The following SCFD2 variants were observed in gnomAD, a reference collection of about 807,000 sequenced individuals.
The protein encoded by SCFD2 is sec1 family domain-containing protein 2.
A neutral mutation model predicts 58.9 loss-of-function variants in SCFD2; 54 were observed. That is an observed-to-expected ratio of 0.92 (90% CI 0.74 to 1.15). The LOEUF is 1.15. SCFD2 is among the 50% of genes most tolerant of loss of function. The pLI, the probability that SCFD2 is intolerant of heterozygous loss-of-function variation, is 0.00. For missense variants in SCFD2, 805 were observed against 836.6 expected (o/e 0.96, Z 0.47); for synonymous variants, 321 against 335.9 (o/e 0.96, Z 0.49).
At chr4:53,300,701 A>G (rs575319640) in intron 3 of SCFD2, among the ~76,000 whole-genome samples, 1 of 152,244 alleles carries the variant, frequency 6.6e-6, no homozygotes, top group African/African-American at 2.4e-5. Flanking sequence ...ATTTGGAAGT[A>G]AAGCACTCCT....
chr4:53,275,909 GTTTATTTAGCCA>G (rs1731312281), intron 3 of SCFD2, among the ~76,000 whole-genome samples: 1 of 152,012 alleles, frequency 6.6e-6, no homozygotes, highest in Admixed American at 6.6e-5. Context: ...ATGTATCATA[GTTTATTTAGCCA>G]TTTATTTATC....
At chr4:53,330,580 G>C (rs2149131254) in intron 2 of SCFD2, among the ~76,000 whole-genome samples, 1 of 151,896 alleles carries the variant, frequency 6.6e-6, no homozygotes, top group East Asian at 1.9e-4. Context: ...TGCTTTACAA[G>C]AGCTCCTGAA....
At chr4:53,294,878 C>T (rs1447914942) in intron 3 of SCFD2, among the ~76,000 whole-genome samples, 4 of 152,184 alleles carry the variant, frequency 2.6e-5, no homozygotes, top group African/African-American at 4.8e-5. Flanking sequence ...TTTCCCAACA[C>T]CATTTATTAA....
At chr4:53,155,311 C>T (rs1241998049) in intron 4 of SCFD2, among the ~76,000 whole-genome samples, 1 of 152,166 alleles carries the variant, frequency 6.6e-6, no homozygotes, top group Non-Finnish European at 1.5e-5. Context: ...AAGGGATCTA[C>T]CCTCATGGGT....
At chr4:52,955,825 G>A (rs775833226) in intron 5 of SCFD2, 17 of 339,412 alleles carry the variant, frequency 5.0e-5, no homozygotes, top group Non-Finnish European at 8.1e-5. Context: ...ACAGTGGTCA[G>A]TAATAATGAT....
chr4:53,179,105 A>G (rs970813111), intron 4 of SCFD2, among the ~76,000 whole-genome samples: 2 of 152,224 alleles, frequency 1.3e-5, no homozygotes, highest in Non-Finnish European at 2.9e-5. Context: ...AACTTCCCCA[A>G]TCTAGCAAGG....
At chr4:53,331,817 T>C (rs1007311086) in intron 2 of SCFD2, among the ~76,000 whole-genome samples, 7 of 151,588 alleles carry the variant, frequency 4.6e-5, no homozygotes, top group Non-Finnish European at 8.8e-5. Flanking sequence ...AGCTGGTTTT[T>C]TGAAAAGATC....
chr4:52,885,729 G>A lies in SCFD2; in HGVS notation c.1962+18C>T, dbSNP rs778479158. 2.5e-6 allele frequency: 4 copies of A among 1,613,260 alleles called. No individual in the cohort carries two copies. Among genetic ancestry groups the A allele is most frequent in the Non-Finnish European group, 2.5e-6 (3 of 1,179,462 alleles). On this transcript the variant is annotated intron_variant, in intron 8 of 8. Transcript: ENST00000401642. ...CCCTACTTCTGAGCTCTTGTTCAAA[G>A]CATGGAGGACTCAGTACCTGGGTTC... is the stretch of plus-strand genomic sequence containing the variant.
chr4:53,341,222 A>T (rs530471683), intron 2 of SCFD2, among the ~76,000 whole-genome samples: 4 of 152,290 alleles, frequency 2.6e-5, no homozygotes, highest in African/African-American at 9.6e-5. Flanking sequence ...AAGATTAGAC[A>T]AATGGCTAAC....
At chr4:53,187,000 G>A (rs1437838823) in intron 4 of SCFD2, among the ~76,000 whole-genome samples, 1 of 151,744 alleles carries the variant, frequency 6.6e-6, no homozygotes, top group East Asian at 1.9e-4. Context: ...AGAGTTGACT[G>A]TAAAAAGAAA....
intron 5 of SCFD2, among the ~76,000 whole-genome samples, chr4:53,135,221 C>A (rs1725900598): frequency 6.6e-6 from 1 of 152,108 alleles, no homozygotes; most frequent in Non-Finnish European, 1.5e-5. Flanking sequence ...CAAAAGCATT[C>A]CTCTGTAATC....
chr4:52,927,771 TG>T (rs978492559), intron 5 of SCFD2, among the ~76,000 whole-genome samples: 1 of 152,204 alleles, frequency 6.6e-6, no homozygotes, highest in African/African-American at 2.4e-5. Flanking sequence ...GAACTGTGAT[TG>T]GTCAGGGTTT....
intron 4 of SCFD2, among the ~76,000 whole-genome samples, chr4:53,250,433 G>C (rs1449968048): frequency 1.3e-5 from 2 of 152,242 alleles, no homozygotes; most frequent in East Asian, 3.9e-4. Flanking sequence ...ATTGAACTCA[G>C]CTCTGCACCA....
intron 5 of SCFD2, among the ~76,000 whole-genome samples, chr4:52,953,934 C>A (rs1267990312): frequency 6.6e-6 from 1 of 152,164 alleles, no homozygotes; most frequent in African/African-American, 2.4e-5. Flanking sequence ...CCATGGACTC[C>A]TGGGCCAGGC....
chr4:53,212,674 T>A (rs13146499), intron 4 of SCFD2, among the ~76,000 whole-genome samples: 68,321 of 150,906 alleles, frequency 0.45, 16,490 homozygotes, highest in Admixed American at 0.53. Context: ...TTAATATTCA[T>A]TAAGGTACAA....
chr4:53,293,578 TC>T (rs1213584556), intron 3 of SCFD2, among the ~76,000 whole-genome samples: 1 of 152,196 alleles, frequency 6.6e-6, no homozygotes, highest in African/African-American at 2.4e-5. Flanking sequence ...AAGTTCAACA[TC>T]CTTTCTTCAT....
chr4:53,052,397 T>C (rs1322012052), intron 5 of SCFD2, among the ~76,000 whole-genome samples: 1 of 152,216 alleles, frequency 6.6e-6, no homozygotes, highest in East Asian at 1.9e-4. Context: ...GATTGCTCGT[T>C]ACGAACTTCT....
At chr4:53,191,443 A>G (rs1042446445) in intron 4 of SCFD2, among the ~76,000 whole-genome samples, 18 of 152,024 alleles carry the variant, frequency 1.2e-4, no homozygotes, top group African/African-American at 4.1e-4. Context: ...GTCTCACTCT[A>G]TCACCCAGGC....
intron 8 of SCFD2, among the ~76,000 whole-genome samples, chr4:52,879,155 G>A (rs765346143): frequency 1.3e-5 from 2 of 152,136 alleles, no homozygotes; most frequent in South Asian, 2.1e-4. Flanking sequence ...GGTGGCAGTG[G>A]TCAGCCTCCT....
Sources: gnomAD v4.1 joint callset for allele counts (sites outside exome capture counted in the v4.1 genomes callset) on GRCh38, gnomAD v4.1.1 for gene constraint, MANE v1.5 for transcripts, NCBI Gene and HGNC (gene_info 2026-07-23, HGNC 2026-07-21) for gene names.